The following FARSB variants were observed in gnomAD, a reference collection of about 807,000 sequenced individuals.
FARSB encodes the protein phenylalanyl-tRNA synthetase subunit beta.
Under a neutral mutation model 69.6 loss-of-function variants are expected in FARSB, and 40 were observed. The ratio of observed to expected loss-of-function variants is 0.57; its 90% CI spans 0.45 to 0.75. The LOEUF is 0.75. FARSB is among the 30% of genes least tolerant of loss of function. The probability of loss-of-function intolerance (pLI) is 0.00; values close to 1 mark genes in which losing one functional copy is unlikely to be tolerated. For synonymous variants in FARSB, 235 were observed against 247.2 expected (o/e 0.95, Z 0.46); for missense variants, 632 against 722.9 (o/e 0.87, Z 1.44).
At position 222,651,755 on chromosome 2, in the gene FARSB, T is replaced by C. The variant is rs542623822; in HGVS notation, c.59-2960A>G. 2.8e-3 allele frequency among the ~76,000 whole-genome samples: 428 copies of C among 152,340 alleles called. 1 individual carries two copies. Among genetic ancestry groups the C allele is most frequent in the Non-Finnish European group, 4.9e-3 (335 of 68,038 alleles). On this transcript the variant is annotated intron_variant, in intron 1 of 16. Transcript: ENST00000281828. ...TAGAAGAAATACATATGCAGAAGCA[T>C]TGCCAGCTAGAATTGAAAGGGATAG... is the stretch of plus-strand genomic sequence containing the variant.
rs144264719 is a variant in FARSB at position 222,637,690 on chromosome 2, A to C, written c.455+1890T>G. ...GAAGAATCAATGAAACCAAAAGTTC[A>C]TTCTTTGAAAGATCAATAAAATGAG... is the stretch of plus-strand genomic sequence containing the variant. On this transcript the variant is annotated intron_variant, in intron 5 of 16. Transcript: ENST00000281828. Among the ~76,000 whole-genome samples the C allele has an allele frequency of 3.2e-3, 493 of 152,348 alleles. 2 individuals carry two copies. Among genetic ancestry groups the C allele is most frequent in the Non-Finnish European group, 5.8e-3 (392 of 68,034 alleles).
At chr2:222,653,719 C>T (rs1021501869) in intron 1 of FARSB, among the ~76,000 whole-genome samples, 2 of 151,746 alleles carry the variant, frequency 1.3e-5, no homozygotes, top group African/African-American at 4.8e-5. Context: ...CAGCCTTGAC[C>T]GCCTTGGTTT....
chr2:222,577,622 C>T (rs563581582), intron 16 of FARSB, among the ~76,000 whole-genome samples: 117 of 152,288 alleles, frequency 7.7e-4, no homozygotes, highest in African/African-American at 2.7e-3. Context: ...AAGAAATCAG[C>T]AAAACCCACA....
chr2:222,632,151 A>G (rs11902655), intron 7 of FARSB, among the ~76,000 whole-genome samples: 48,542 of 152,110 alleles, frequency 0.32, 8,039 homozygotes, highest in Middle Eastern at 0.45. Flanking sequence ...AATAAAAAAA[A>G]AACCTAACAT....
intron 5 of FARSB, among the ~76,000 whole-genome samples, chr2:222,636,495 T>C (rs747144338): frequency 3.4e-5 from 5 of 148,528 alleles, no homozygotes; most frequent in Non-Finnish European, 5.9e-5. Context: ...GACTGATAAC[T>C]ATACCCAAAT....
chr2:222,642,313 T>C (rs1186978756), intron 3 of FARSB, among the ~76,000 whole-genome samples: 1 of 152,228 alleles, frequency 6.6e-6, no homozygotes, highest in Non-Finnish European at 1.5e-5. Flanking sequence ...TCTATCTTCA[T>C]TAAATGAAAA....
chr2:222,636,198 T>A (rs1691578081), intron 5 of FARSB, among the ~76,000 whole-genome samples: 1 of 150,950 alleles, frequency 6.6e-6, no homozygotes. Flanking sequence ...CAAGGTCAGG[T>A]GATCAAGACC....
intron 15 of FARSB, among the ~76,000 whole-genome samples, chr2:222,611,448 CG>C (rs200111875): frequency 3.5e-5 from 1 of 28,368 alleles, no homozygotes; most frequent in Non-Finnish European, 1.1e-4. Context: ...TTTGGGGGGG[CG>C]GGGGGGCGCG....
intron 10 of FARSB, among the ~76,000 whole-genome samples, chr2:222,626,952 C>T (rs181110659): frequency 3.9e-4 from 60 of 152,202 alleles, no homozygotes; most frequent in Admixed American, 7.2e-4. Flanking sequence ...AGGAGAATGG[C>T]GTGAACCCAG....
rs774019993 is a variant in FARSB, at chr2:222,624,222, A to G, written c.1170+50T>C. 4 of 1,209,690 alleles carry G rather than the reference A, an allele frequency of 3.3e-6. No individual in the cohort carries two copies. The South Asian group carries it at 4.9e-5, about 15-fold the overall frequency. The allele number at this position is 1,209,690 out of a possible 1,614,324, so 74.9% of individuals were successfully genotyped here. A position where few individuals can be genotyped will look rare whatever the true frequency, so the allele number is the denominator to read the frequency against. On this transcript the variant is annotated intron_variant, in intron 12 of 16. Coordinates refer to ENST00000281828, the MANE Select transcript of FARSB (RefSeq NM_005687.5). ...TTTCTCGAAGCCTTCCTGGCATTAA[A>G]TAATCAGTTTCTAACAATAAGGAGT...
chr2:222,639,525 T>G (rs935598927), intron 5 of FARSB, 55 bp downstream of exon 5: 17 of 753,032 alleles, frequency 2.3e-5, no homozygotes, highest in Middle Eastern at 2.4e-4. Flanking sequence ...GGAAAGGAGA[T>G]AGGGAGACAA....
intron 15 of FARSB, among the ~76,000 whole-genome samples, chr2:222,604,044 G>A (rs897065105): frequency 4.6e-5 from 7 of 151,630 alleles, no homozygotes; most frequent in East Asian, 1.9e-4. Flanking sequence ...GTGAAACTCC[G>A]TCTCTACTAA....
rs1478387338 is a variant in FARSB at position 222,628,880 on chromosome 2, G to C, written c.857C>G (p.Ala286Gly). 2 of 1,609,152 alleles carry C rather than the reference G, an allele frequency of 1.2e-6. No individual in the cohort carries two copies. Among genetic ancestry groups the C allele is most frequent in the Non-Finnish European group, 1.7e-6 (2 of 1,177,004 alleles). Residue 286 changes from alanine (A) to glycine (G), a missense_variant, in exon 10 of 17, where the codon GCT (alanine) becomes GGT (glycine). Transcript: ENST00000281828. Reference protein sequence around the residue: ...EYCENQFTVEAAEVVFPNGKS... With the variant: ...EYCENQFTVEGAEVVFPNGKS... ...TCCATTAGGAAAAACCACTTCAGCA[G>C]CTTCGACCCTGAAAACAAAAGCCAG...
intron 16 of FARSB, among the ~76,000 whole-genome samples, chr2:222,575,549 G>A (rs942588698): frequency 2.0e-5 from 3 of 152,186 alleles, no homozygotes; most frequent in Non-Finnish European, 2.9e-5. Context: ...CCAGCAAAAA[G>A]CCTCCGAGCC....
At position 222,615,412 on chromosome 2, in the gene FARSB, C is replaced by T. The variant is rs146257350; in HGVS notation, c.1345-1484G>A. Among the ~76,000 whole-genome samples the T allele has an allele frequency of 7.9e-3, 1,208 of 152,294 alleles. 14 individuals are homozygous for T. Among genetic ancestry groups the T allele is most frequent in the African/African-American group, 0.028 (1,162 of 41,560 alleles). On this transcript the variant is annotated intron_variant, in intron 14 of 16. Transcript: ENST00000281828. ...TGGTCAAAAATCTGCAAGAGGTTTC[C>T]ATTAAATTTTGAATAAAATCCATGG...
intron 15 of FARSB, among the ~76,000 whole-genome samples, chr2:222,605,678 A>G (rs571219177): frequency 2.6e-5 from 4 of 152,266 alleles, no homozygotes; most frequent in Admixed American, 2.6e-4. Flanking sequence ...AGTACTTTAG[A>G]AGGCCGAGGC....
At chr2:222,611,492 G>A (rs1690850566) in intron 15 of FARSB, among the ~76,000 whole-genome samples, 1 of 151,996 alleles carries the variant, frequency 6.6e-6, no homozygotes, top group South Asian at 2.1e-4. Context: ...TGTTGCCCAG[G>A]CTGGAGTGTA....
chr2:222,571,583 C>T lies in FARSB; in HGVS notation c.*288G>A, dbSNP rs947424016. On this transcript the variant is annotated 3_prime_UTR_variant, in exon 17 of 17. Transcript: ENST00000281828. ...GTGATGTTCTGATGTCTGAGGAGCACGTCTGCCTTTCAGAACAGATCCTGC... is the reference window on the plus strand; with the variant it reads ...GTGATGTTCTGATGTCTGAGGAGCATGTCTGCCTTTCAGAACAGATCCTGC... 1.2e-5 allele frequency: 3 copies of T among 247,570 alleles called. No individual in the cohort carries two copies. The highest frequency in any genetic ancestry group is 5.4e-5 in the Admixed American group (1 of 18,492). 15.3% of individuals were successfully genotyped at this position (247,570 alleles called of 1,614,324 possible).
intron 16 of FARSB, among the ~76,000 whole-genome samples, chr2:222,572,821 A>G (rs1394851220): frequency 6.6e-6 from 1 of 152,060 alleles, no homozygotes; most frequent in East Asian, 1.9e-4. Context: ...ATATGGGCCC[A>G]CTCCATATTC....
Sources: gnomAD v4.1 joint callset for allele counts (sites outside exome capture counted in the v4.1 genomes callset) on GRCh38, gnomAD v4.1.1 for gene constraint, MANE v1.5 for transcripts, NCBI Gene and HGNC (gene_info 2026-07-23, HGNC 2026-07-21) for gene names.